Variants in NPR3 observed in about 807,000 individuals in gnomAD.
NPR3 encodes the protein atrial natriuretic peptide receptor 3.
A neutral mutation model predicts 54.5 loss-of-function variants in NPR3; 34 were observed. That is an observed-to-expected ratio of 0.62 (90% confidence interval 0.47 to 0.83). The LOEUF is 0.83. NPR3 is among the 40% of genes least tolerant of loss of function. The pLI, the probability that NPR3 is intolerant of heterozygous loss-of-function variation, is 0.00. For missense variants in NPR3, 674 were observed against 720.8 expected (o/e 0.94, Z 0.74); for synonymous variants, 289 against 297.1 (o/e 0.97, Z 0.28).
intron 1 of NPR3, among the ~76,000 whole-genome samples, chr5:32,714,113 A>C (rs1738415350): frequency 6.9e-6 from 1 of 144,254 alleles, no homozygotes; most frequent in African/African-American, 2.6e-5. Context: ...CTGCTTCTCC[A>C]GTTCTCGGCT....
rs948603532 is a variant in NPR3, at chr5:32,714,736, A to C, written c.769+2191A>C. On this transcript the variant is annotated intron_variant, in intron 1 of 7. Coordinates refer to ENST00000265074, the MANE Select transcript of NPR3 (RefSeq NM_001204375.2). ...GAAATTCCTTACACTCGAGAGAAAA[A>C]GTTACTTGATAACAAAGCTCTCTTA... 2.0e-5 allele frequency among the ~76,000 whole-genome samples: 3 copies of C among 152,172 alleles called. 1 individual carries two copies. Among genetic ancestry groups the C allele is most frequent in the Admixed American group, 1.3e-4 (2 of 15,280 alleles).
At chr5:32,730,766 G>GT (rs1561091990) in intron 2 of NPR3, among the ~76,000 whole-genome samples, 2 of 152,044 alleles carry the variant, frequency 1.3e-5, no homozygotes, top group African/African-American at 2.4e-5. Context: ...AAATGTCTAA[G>GT]TTTTTTTGCT....
intron 3 of NPR3, among the ~76,000 whole-genome samples, chr5:32,746,958 A>C (rs1271850940): frequency 1.3e-5 from 2 of 152,222 alleles, no homozygotes; most frequent in African/African-American, 4.8e-5. Context: ...GAAAGGGCCC[A>C]ATATAATGAA....
chr5:32,761,554 T>C lies in NPR3; in HGVS notation c.1060-13154T>C, dbSNP rs1394254778. Among the ~76,000 whole-genome samples, 3 of 152,080 alleles carry C rather than the reference T, an allele frequency of 2.0e-5. No individual in the cohort carries two copies. In the East Asian group the frequency reaches 5.8e-4, roughly 29 times the overall value. Reference sequence around the variant, plus strand: ...TAGATTGAGATATTTTCTATTGTTATTTCTTCAAGATCACGGACTCTTCTG... The same window carrying C: ...TAGATTGAGATATTTTCTATTGTTACTTCTTCAAGATCACGGACTCTTCTG... On this transcript the variant is annotated intron_variant, in intron 3 of 7. Coordinates refer to ENST00000265074, the MANE Select transcript of NPR3 (RefSeq NM_001204375.2).
intron 4 of NPR3, among the ~76,000 whole-genome samples, chr5:32,776,162 A>AGTATGAATG (rs760229511): frequency 6.6e-6 from 1 of 152,234 alleles, no homozygotes; most frequent in Non-Finnish European, 1.5e-5. Flanking sequence ...AAGGGGTGAT[A>AGTATGAATG]GTATGAATGC....
In NPR3 at chr5:32,737,478, G is replaced by A. The variant is rs73758309; in HGVS notation, c.893-1386G>A. On this transcript the variant is annotated intron_variant, in intron 2 of 7. Transcript: ENST00000265074. ...GAGTGAGTGCCACAAAGTCCTGGCC[G>A]TATATCCCAGAGACATTCTCACTGC... Among the ~76,000 whole-genome samples the A allele has an allele frequency of 2.5e-3, 381 of 152,278 alleles. 4 individuals are homozygous for A. The highest frequency in any genetic ancestry group is 8.9e-3 in the African/African-American group (368 of 41,550).
At chr5:32,724,925 A>G (rs1739060776) in intron 2 of NPR3, 105 bp downstream of exon 2, 1 of 1,200,628 alleles carries the variant, frequency 8.3e-7, no homozygotes, top group Non-Finnish European at 1.2e-6. Flanking sequence ...CATAAACACC[A>G]TGGAATACTA....
At chr5:32,720,249 T>C (rs145332194) in intron 1 of NPR3, among the ~76,000 whole-genome samples, 1 of 152,324 alleles carries the variant, frequency 6.6e-6, no homozygotes, top group African/African-American at 2.4e-5. Context: ...AGTTTTAGGC[T>C]CAACAATCAG....
At position 32,711,513 on chromosome 5, in the gene NPR3, G is replaced by A. The variant is rs1402131279; in HGVS notation, c.-264G>A. ...CGAATATATACAAGTATATATATAT[G>A]TATATTACAGACGCACAGGTTTACA... is the stretch of plus-strand genomic sequence containing the variant. On this transcript the variant is annotated 5_prime_UTR_variant, in exon 1 of 8. The change abolishes an upstream ATG in the 5' untranslated region. Transcript: ENST00000265074. 19 of 1,172,796 alleles carry A rather than the reference G, an allele frequency of 1.6e-5. No homozygotes were observed. In the Admixed American group the frequency reaches 3.9e-4, roughly 24 times the overall value. 72.6% of individuals were successfully genotyped at this position (1,172,796 alleles called of 1,614,324 possible).
intron 2 of NPR3, among the ~76,000 whole-genome samples, chr5:32,734,075 C>G (rs769888381): frequency 6.6e-6 from 1 of 152,318 alleles, no homozygotes; most frequent in South Asian, 2.1e-4. Context: ...TACTGCAGGT[C>G]GAACAGCCAT....
intron 3 of NPR3, among the ~76,000 whole-genome samples, chr5:32,748,047 C>G (rs905159074): frequency 6.6e-6 from 1 of 152,112 alleles, no homozygotes; most frequent in African/African-American, 2.4e-5. Flanking sequence ...AGCCATCATG[C>G]CCGGCAGGAA....
chr5:32,754,964 C>T (rs1435812374), intron 3 of NPR3, among the ~76,000 whole-genome samples: 2 of 152,164 alleles, frequency 1.3e-5, no homozygotes, highest in East Asian at 1.9e-4. Flanking sequence ...AGGTTCACGC[C>T]ATTCTCCTGC....
At chr5:32,771,376 A>G (rs908911075) in intron 3 of NPR3, among the ~76,000 whole-genome samples, 3 of 152,164 alleles carry the variant, frequency 2.0e-5, no homozygotes, top group Non-Finnish European at 2.9e-5. Flanking sequence ...ATCAAGCTAG[A>G]ATGTATTTTC....
intron 3 of NPR3, among the ~76,000 whole-genome samples, chr5:32,742,321 A>AT (rs1361786752): frequency 6.6e-6 from 1 of 152,098 alleles, no homozygotes; most frequent in Admixed American, 6.5e-5. Context: ...AGTATGCTTA[A>AT]TTGAAAGTGT....
chr5:32,713,221 T>G, intron 1 of NPR3: 1 of 985,244 alleles, frequency 1.0e-6, no homozygotes, highest in Non-Finnish European at 1.2e-6. Flanking sequence ...GCAACGCAGT[T>G]TCTAATGCGC....
chr5:32,778,619 A>G (rs983794898), intron 4 of NPR3, among the ~76,000 whole-genome samples: 1 of 152,208 alleles, frequency 6.6e-6, no homozygotes, highest in Non-Finnish European at 1.5e-5. Flanking sequence ...GAGCTCCACT[A>G]CAGCCAAACA....
At chr5:32,728,783 G>T (rs1041335990) in intron 2 of NPR3, among the ~76,000 whole-genome samples, 23 of 141,364 alleles carry the variant, frequency 1.6e-4, no homozygotes, top group African/African-American at 5.9e-4. Context: ...ACGTGCTTCA[G>T]ATTCCAAGCT....
At chr5:32,713,727 C>T (rs1193496155) in intron 1 of NPR3, among the ~76,000 whole-genome samples, 1 of 152,204 alleles carries the variant, frequency 6.6e-6, no homozygotes, top group Non-Finnish European at 1.5e-5. Flanking sequence ...AACCTGAGGC[C>T]GAAGGCCCCA....
rs538607023 is a variant in NPR3, at chr5:32,788,403, G to A, written c.*2058G>A. The A allele has an allele frequency of 1.3e-5, 2 of 152,314 alleles. No individual in the cohort carries two copies. Among genetic ancestry groups the A allele is most frequent in the Admixed American group, 1.3e-4 (2 of 15,296 alleles). 9.4% of individuals were successfully genotyped at this position (152,314 alleles called of 1,614,324 possible). ...CTCCCCAAAGTGAAACAGCAAGGAA[G>A]GATTGTGTCCATCTTACTTACTTGA... On this transcript the variant is annotated 3_prime_UTR_variant, in exon 8 of 8. Transcript: ENST00000265074.
Sources: allele counts gnomAD v4.1 joint callset (sites outside exome capture counted in the v4.1 genomes callset), GRCh38; gene constraint gnomAD v4.1.1; transcripts MANE v1.5; gene names NCBI Gene and HGNC (gene_info 2026-07-23, HGNC 2026-07-21).